LCOR: variants seen among roughly 807,000 people sequenced by gnomAD.
LCOR encodes ligand-dependent corepressor.
A neutral mutation model predicts 64.4 loss-of-function variants in LCOR; 14 were observed. The observed-to-expected ratio is 0.22, with a 90% CI of 0.14 to 0.34. The LOEUF (loss-of-function observed/expected upper bound fraction) is 0.34, where lower values mean the gene tolerates loss of function less well. Ranked by LOEUF, LCOR falls within the 10% of genes least tolerant of loss-of-function variation. The probability of loss-of-function intolerance (pLI) is 1.00; values close to 1 mark genes in which losing one functional copy is unlikely to be tolerated. For synonymous variants in LCOR, 643 were observed against 642.5 expected (o/e 1.00, Z -0.01); for missense variants, 1,686 against 1,765.3 (o/e 0.96, Z 0.80).
chr10:96,885,150 C>A (rs1314630189), intron 2 of LCOR, among the ~76,000 whole-genome samples: 2 of 152,068 alleles, frequency 1.3e-5, no homozygotes, highest in Non-Finnish European at 2.9e-5. Flanking sequence ...TAAATAAATA[C>A]CACATTATTT....
intron 4 of LCOR, among the ~76,000 whole-genome samples, chr10:96,920,009 T>C (rs1847020044): frequency 6.6e-6 from 1 of 152,190 alleles, no homozygotes; most frequent in Admixed American, 6.5e-5. Context: ...TGTGTATACC[T>C]AGAAATGGAA....
intron 7 of LCOR, among the ~76,000 whole-genome samples, chr10:96,977,025 C>T (rs1183388968): frequency 6.6e-6 from 1 of 152,102 alleles, no homozygotes; most frequent in South Asian, 2.1e-4. Context: ...CCAAAACGCA[C>T]TTGGAGTATG....
intron 7 of LCOR, among the ~76,000 whole-genome samples, chr10:96,953,077 C>G (rs1847709432): frequency 6.6e-6 from 1 of 152,120 alleles, no homozygotes; most frequent in Non-Finnish European, 1.5e-5. Flanking sequence ...AGAAGGATTC[C>G]TTTACAGACT....
At chr10:96,940,081 C>G (rs1163236732) in intron 4 of LCOR, among the ~76,000 whole-genome samples, 1 of 152,134 alleles carries the variant, frequency 6.6e-6, no homozygotes, top group East Asian at 1.9e-4. Flanking sequence ...AACCTTAAAC[C>G]ATGAGATAAT....
At chr10:96,973,148 A>G (rs552476170) in intron 7 of LCOR, among the ~76,000 whole-genome samples, 7 of 152,280 alleles carry the variant, frequency 4.6e-5, no homozygotes, top group African/African-American at 1.4e-4. Context: ...TTGGATTTCA[A>G]CCACCTGGAA....
At chr10:96,945,903 T>C (rs570999840) in intron 5 of LCOR, among the ~76,000 whole-genome samples, 1 of 152,018 alleles carries the variant, frequency 6.6e-6, no homozygotes, top group African/African-American at 2.4e-5. Flanking sequence ...GGAATAACTT[T>C]CAAGTTTTTA....
chr10:96,893,369 C>T (rs1392619246), intron 2 of LCOR, among the ~76,000 whole-genome samples: 1 of 152,166 alleles, frequency 6.6e-6, no homozygotes, highest in South Asian at 2.1e-4. Flanking sequence ...AATATAATAT[C>T]TCTAATATGC....
intron 4 of LCOR, among the ~76,000 whole-genome samples, chr10:96,936,961 TTCTC>T (rs1334233547): frequency 2.0e-5 from 3 of 152,252 alleles, no homozygotes; most frequent in African/African-American, 4.8e-5. Flanking sequence ...TATGTGAATA[TTCTC>T]TCTCTTTTCT....
chr10:96,971,763 A>G (rs1483888217), intron 7 of LCOR, among the ~76,000 whole-genome samples: 1 of 152,242 alleles, frequency 6.6e-6, no homozygotes, highest in African/African-American at 2.4e-5. Context: ...TTTTCCAAAG[A>G]AAGTCAACCC....
At chr10:96,900,716 GAACTACT>G (rs1157723969) in intron 2 of LCOR, among the ~76,000 whole-genome samples, 1 of 151,170 alleles carries the variant, frequency 6.6e-6, no homozygotes, top group Non-Finnish European at 1.5e-5. Flanking sequence ...TTTCTTAATG[GAACTACT>G]TTGAGTAACC....
At chr10:96,920,459 T>C (rs1847034034) in intron 4 of LCOR, among the ~76,000 whole-genome samples, 1 of 8,872 alleles carries the variant, frequency 1.1e-4, no homozygotes, top group African/African-American at 1.9e-4. Flanking sequence ...TATATGTATA[T>C]TCATATATGT....
chr10:96,949,685 C>G (rs1435611376), intron 6 of LCOR, among the ~76,000 whole-genome samples: 1 of 152,144 alleles, frequency 6.6e-6, no homozygotes, highest in East Asian at 1.9e-4. Flanking sequence ...AAATATGCCT[C>G]TACTTGCAGG....
intron 2 of LCOR, among the ~76,000 whole-genome samples, chr10:96,847,405 A>ATTTT (rs747131978): frequency 3.4e-4 from 50 of 147,744 alleles, no homozygotes; most frequent in African/African-American, 7.5e-4. Context: ...GGTCAAGAGT[A>ATTTT]TTTTATTTAT....
chr10:96,939,368 ACCTAAAAGTACGC>A (rs1172645675), intron 4 of LCOR, among the ~76,000 whole-genome samples: 4 of 152,222 alleles, frequency 2.6e-5, no homozygotes, highest in Admixed American at 1.3e-4. Flanking sequence ...TGTATTATAG[ACCTAAAAGTACGC>A]CCTAAAAGTA....
At chr10:96,844,357 C>T (rs938030457) in intron 2 of LCOR, among the ~76,000 whole-genome samples, 1 of 151,664 alleles carries the variant, frequency 6.6e-6, no homozygotes, top group South Asian at 2.1e-4. Flanking sequence ...TGCTTTGTTA[C>T]CCAGTTTTCT....
chr10:96,837,598 A>G (rs1053779029), intron 2 of LCOR, among the ~76,000 whole-genome samples: 2 of 152,082 alleles, frequency 1.3e-5, no homozygotes, highest in Non-Finnish European at 2.9e-5. Flanking sequence ...CAATATTATC[A>G]TCCACAAGAG....
chr10:96,934,581 C>G (rs1459876536), intron 4 of LCOR, among the ~76,000 whole-genome samples: 1 of 152,114 alleles, frequency 6.6e-6, no homozygotes, highest in Non-Finnish European at 1.5e-5. Context: ...GATAGAAATT[C>G]CAGTTGAAAT....
chr10:96,949,562 A>G (rs541128437), intron 6 of LCOR, among the ~76,000 whole-genome samples: 3 of 152,338 alleles, frequency 2.0e-5, no homozygotes, highest in African/African-American at 7.2e-5. Context: ...GTTACTTGAT[A>G]TTTATATAAG....
chr10:96,978,400 T>C (rs1407239065), intron 7 of LCOR, among the ~76,000 whole-genome samples: 2 of 152,234 alleles, frequency 1.3e-5, no homozygotes, highest in Non-Finnish European at 2.9e-5. Context: ...GATAGAAAAG[T>C]ACTCAATAGG....
Sources: allele counts gnomAD v4.1 joint callset (sites outside exome capture counted in the v4.1 genomes callset), GRCh38; gene constraint gnomAD v4.1.1; transcripts MANE v1.5; gene names NCBI Gene and HGNC (gene_info 2026-07-23, HGNC 2026-07-21).